The following CAPZB variants were observed in gnomAD, a reference collection of about 807,000 sequenced individuals.
CAPZB encodes F-actin-capping protein subunit beta.
A neutral mutation model predicts 38.1 loss-of-function variants in CAPZB; 2 were observed. The observed-to-expected ratio is 0.05, with a 90% CI of 0.02 to 0.17. The LOEUF (loss-of-function observed/expected upper bound fraction) is 0.17, where lower values mean the gene tolerates loss of function less well. Among genes scored for constraint, CAPZB ranks in the 10% least tolerant of loss-of-function variants. The pLI, the probability that CAPZB is intolerant of heterozygous loss-of-function variation, is 1.00. For missense variants in CAPZB, 161 were observed against 334.2 expected (o/e 0.48, Z 4.04); for synonymous variants, 107 against 127.4 (o/e 0.84, Z 1.08).
At chr1:19,345,877 G>A (rs1308679485) in intron 6 of CAPZB, among the ~76,000 whole-genome samples, 1 of 152,212 alleles carries the variant, frequency 6.6e-6, no homozygotes, top group African/African-American at 2.4e-5. Flanking sequence ...TCTACTCTGC[G>A]AGGAGAGTTT....
intron 1 of CAPZB, among the ~76,000 whole-genome samples, chr1:19,470,111 C>T (rs937699656): frequency 3.3e-5 from 5 of 152,090 alleles, no homozygotes; most frequent in East Asian, 3.9e-4. Context: ...CCCAGCTACT[C>T]GGGAGGCTGA....
intron 3 of CAPZB, among the ~76,000 whole-genome samples, chr1:19,382,243 C>G (rs143888718): frequency 6.6e-6 from 1 of 152,206 alleles, no homozygotes; most frequent in East Asian, 1.9e-4. Flanking sequence ...AGTCCTGAAG[C>G]CAGGGTAATT....
chr1:19,471,302 G>A (rs2094586124), intron 1 of CAPZB, among the ~76,000 whole-genome samples: 1 of 151,842 alleles, frequency 6.6e-6, no homozygotes. Context: ...CCTAAGGCTT[G>A]GAAATCACTC....
At chr1:19,410,985 G>A (rs2094354800) in intron 2 of CAPZB, among the ~76,000 whole-genome samples, 1 of 152,148 alleles carries the variant, frequency 6.6e-6, no homozygotes, top group African/African-American at 2.4e-5. Flanking sequence ...GGTCCTGGAT[G>A]AAGCGTATTA....
At chr1:19,343,087 C>A (rs1178725719) in intron 8 of CAPZB, among the ~76,000 whole-genome samples, 1 of 152,178 alleles carries the variant, frequency 6.6e-6, no homozygotes, top group African/African-American at 2.4e-5. Flanking sequence ...GCAGGCTCTT[C>A]GGCTTCTCTC....
chr1:19,443,021 C>CA (rs899260754), intron 1 of CAPZB, among the ~76,000 whole-genome samples: 7 of 151,982 alleles, frequency 4.6e-5, no homozygotes, highest in South Asian at 4.1e-4. Context: ...CTTCCCCCAA[C>CA]AAAAAAACCT....
intron 4 of CAPZB, 44 bp downstream of exon 4, chr1:19,378,496 C>A: frequency 8.8e-7 from 1 of 1,130,218 alleles, no homozygotes; most frequent in South Asian, 1.2e-5. Flanking sequence ...ATTTACCTCT[C>A]AAAACTCACA....
rs1558229791 is a variant in CAPZB, at chr1:19,403,065, A to AAAAC, written c.93+16595_93+16596insGTTT. Among the ~76,000 whole-genome samples, 28 of 151,780 alleles carry AAAAC rather than the reference A, an allele frequency of 1.8e-4. 1 individual carries two copies. Among genetic ancestry groups the AAAAC allele is most frequent in the African/African-American group, 6.8e-4 (28 of 41,430 alleles). ...ACTCCATCTCTAAAACAAAACAAAA[A>AAAAC]AAAAGAAGCCTTGCATTCTATCCAT... On this transcript the variant is annotated intron_variant, in intron 2 of 8. Coordinates refer to ENST00000264202, the MANE Select transcript of CAPZB (RefSeq NM_004930.5).
At chr1:19,390,025 C>T (rs543706156) in intron 2 of CAPZB, among the ~76,000 whole-genome samples, 5 of 152,332 alleles carry the variant, frequency 3.3e-5, no homozygotes, top group South Asian at 2.1e-4. Flanking sequence ...GCATCACGCC[C>T]GCTGCAGCAG....
At chr1:19,371,448 G>A (rs1353710294) in intron 4 of CAPZB, among the ~76,000 whole-genome samples, 1 of 152,238 alleles carries the variant, frequency 6.6e-6, no homozygotes, top group African/African-American at 2.4e-5. Flanking sequence ...CTGACGCACA[G>A]TGTGTCACTG....
intron 3 of CAPZB, 139 bp from the exon 4 acceptor site, chr1:19,378,792 G>A: frequency 1.7e-6 from 1 of 600,816 alleles, no homozygotes; most frequent in Non-Finnish European, 3.0e-6. Flanking sequence ...CTGGGTCCTG[G>A]CAACAAACAG....
intron 4 of CAPZB, among the ~76,000 whole-genome samples, chr1:19,359,648 C>A (rs572294294): frequency 6.6e-6 from 1 of 152,238 alleles, no homozygotes; most frequent in Non-Finnish European, 1.5e-5. Context: ...ACTCAGGGAA[C>A]ACCTGTCGGA....
chr1:19,468,664 C>G (rs1570356226), intron 1 of CAPZB, among the ~76,000 whole-genome samples: 1 of 152,294 alleles, frequency 6.6e-6, no homozygotes, highest in South Asian at 2.1e-4. Flanking sequence ...TCCTTCTCAG[C>G]ATGGCCCTGC....
chr1:19,408,807 C>T (rs528258673), intron 2 of CAPZB, among the ~76,000 whole-genome samples: 1 of 152,364 alleles, frequency 6.6e-6, no homozygotes, highest in Non-Finnish European at 1.5e-5. Context: ...GGTCTCCTGA[C>T]TTCCAGTAAG....
In CAPZB at chr1:19,430,846, G is replaced by A. The variant is rs546914757; in HGVS notation, c.4-11096C>T. On this transcript the variant is annotated intron_variant, in intron 1 of 8. Transcript: ENST00000264202. ...AACATATACAATGGGCTAACCTGAT[G>A]CACAGAAAAACCCTGGGTCACATGA... is the stretch of plus-strand genomic sequence containing the variant. Among the ~76,000 whole-genome samples the A allele has an allele frequency of 2.6e-5, 4 of 152,274 alleles. No homozygotes were observed. The South Asian group carries it at 8.3e-4, about 32-fold the overall frequency.
chr1:19,421,881 T>A (rs752397120), intron 1 of CAPZB, among the ~76,000 whole-genome samples: 1 of 152,198 alleles, frequency 6.6e-6, no homozygotes, highest in Admixed American at 6.5e-5. Flanking sequence ...ATTGGGGATA[T>A]TGAGTGCATA....
intron 1 of CAPZB, among the ~76,000 whole-genome samples, chr1:19,472,533 A>G (rs933639515): frequency 3.3e-5 from 5 of 152,128 alleles, no homozygotes; most frequent in Admixed American, 3.3e-4. Context: ...ATTATTCCAG[A>G]GTCTGCCTGG....
intron 1 of CAPZB, among the ~76,000 whole-genome samples, chr1:19,476,227 G>GACAGACAGACAGACAGATAA (rs1237046140): frequency 2.1e-5 from 1 of 46,954 alleles, no homozygotes; most frequent in African/African-American, 4.6e-5. Context: ...TAGATAGATA[G>GACAGACAGACAGACAGATAA]GCAGGCAGGC....
chr1:19,397,827 G>A (rs1022426548), intron 2 of CAPZB, among the ~76,000 whole-genome samples: 21 of 87,614 alleles, frequency 2.4e-4, no homozygotes, highest in Non-Finnish European at 3.4e-4. Flanking sequence ...AAATAAGAAT[G>A]CAGGGGGAAG....
Sources: gnomAD v4.1 joint callset for allele counts (sites outside exome capture counted in the v4.1 genomes callset) on GRCh38, gnomAD v4.1.1 for gene constraint, MANE v1.5 for transcripts, NCBI Gene and HGNC (gene_info 2026-07-23, HGNC 2026-07-21) for gene names.